Variants in SLC2A10 observed in about 807,000 individuals in gnomAD.
SLC2A10 encodes solute carrier family 2 member 10.
A neutral mutation model predicts 32.1 loss-of-function variants in SLC2A10; 25 were observed. That is an observed-to-expected ratio of 0.78 (90% CI 0.57 to 1.09). The LOEUF is 1.09. Among genes scored for constraint, SLC2A10 ranks in the 50% least tolerant of loss-of-function variants. The probability of loss-of-function intolerance (pLI) is 0.00; values close to 1 mark genes in which losing one functional copy is unlikely to be tolerated. For missense variants in SLC2A10, 673 were observed against 686.5 expected, an observed-to-expected ratio of 0.98 and a Z score of 0.22; for synonymous variants, 332 against 309.6, an observed-to-expected ratio of 1.07 and a Z score of -0.76.
chr20:46,709,626 G>A, upstream of SLC2A10: 1 of 1,379,324 alleles, frequency 7.2e-7, no homozygotes, highest in Non-Finnish European at 9.8e-7. Flanking sequence ...GAGGGACAGA[G>A]GCGGGGGCGG....
chr20:46,709,182 G>A (rs1978754299), upstream of SLC2A10, among the ~76,000 whole-genome samples: 1 of 152,208 alleles, frequency 6.6e-6, no homozygotes, highest in Admixed American at 6.5e-5. Flanking sequence ...AAACCCAAGC[G>A]TGGAGTGAAT....
upstream of SLC2A10, among the ~76,000 whole-genome samples, chr20:46,708,541 C>T (rs1268676235): frequency 6.6e-6 from 1 of 152,186 alleles, no homozygotes; most frequent in Non-Finnish European, 1.5e-5. Flanking sequence ...ACAAGCTGCC[C>T]CTCTTCCAGT....
intron 2 of SLC2A10, among the ~76,000 whole-genome samples, chr20:46,726,654 G>A (rs1046423116): frequency 1.5e-4 from 23 of 152,072 alleles, no homozygotes; most frequent in African/African-American, 4.3e-4. Context: ...TTCCCATCTC[G>A]GCATTGAAAG....
chr20:46,714,308 A>G (rs1256517377), intron 1 of SLC2A10, among the ~76,000 whole-genome samples: 1 of 152,124 alleles, frequency 6.6e-6, no homozygotes, highest in African/African-American at 2.4e-5. Flanking sequence ...GGGCCCAGGA[A>G]TTTGCTGATT....
intron 3 of SLC2A10, 65 bp downstream of exon 3, chr20:46,727,051 A>ATTT (rs1980014355): frequency 4.4e-6 from 7 of 1,607,932 alleles, no homozygotes; most frequent in Non-Finnish European, 6.0e-6. Flanking sequence ...TAAAGCAGAA[A>ATTT]TTTTTGGATT....
chr20:46,724,165 T>C (rs1386450777), intron 1 of SLC2A10, among the ~76,000 whole-genome samples: 1 of 152,232 alleles, frequency 6.6e-6, no homozygotes, highest in African/African-American at 2.4e-5. Flanking sequence ...TCTCCTTCCC[T>C]GCTTCATTTT....
intron 1 of SLC2A10, among the ~76,000 whole-genome samples, chr20:46,716,555 G>A (rs1979251984): frequency 6.6e-6 from 1 of 152,118 alleles, no homozygotes; most frequent in African/African-American, 2.4e-5. Context: ...GGGTGGGGGT[G>A]CATGACATAG....
chr20:46,714,542 G>GGGAC (rs1279432284), intron 1 of SLC2A10: 3 of 152,736 alleles, frequency 2.0e-5, no homozygotes, highest in African/African-American at 7.2e-5. Context: ...GAGGAACAAG[G>GGGAC]GGACCCTTTC....
In SLC2A10 at chr20:46,725,927, G is replaced by A; in HGVS notation, c.891G>A (p.Arg297=). The A allele has an allele frequency of 6.2e-7, 1 of 1,614,028 alleles. No individual in the cohort carries two copies. The highest frequency in any genetic ancestry group is 8.5e-7 in the Non-Finnish European group (1 of 1,180,028). The change falls in exon 2 of 5, where the codon AGG becomes AGA. Residue 297 remains arginine, a synonymous_variant. Coordinates refer to ENST00000359271, the MANE Select transcript of SLC2A10 (RefSeq NM_030777.4). ...AMGLVDRAGR[R]ALLLAGCALM... is the part of the protein sequence containing the mutation. ...GGCTGGTGGACCGTGCAGGCCGCAG[G>A]GCTCTGTTGCTAGCTGGCTGTGCCC... is the stretch of plus-strand genomic sequence containing the variant.
intron 3 of SLC2A10, 38 bp from the exon 4 acceptor site, chr20:46,729,315 T>G (rs202115184): frequency 1.0e-4 from 163 of 1,612,350 alleles, no homozygotes; most frequent in Admixed American, 1.7e-5. Flanking sequence ...GCCAGAGTGC[T>G]TGGTCCTGGG....
chr20:46,724,614 AGATGGATGGTGGTTG>A (rs1187937796), intron 1 of SLC2A10, among the ~76,000 whole-genome samples: 14 of 146,792 alleles, frequency 9.5e-5, no homozygotes, highest in Non-Finnish European at 1.9e-4. Flanking sequence ...CAGATGGTGT[AGATGGATGGTGGTTG>A]GATGGATGGA....
intron 1 of SLC2A10, among the ~76,000 whole-genome samples, chr20:46,720,315 T>C (rs569758696): frequency 6.6e-6 from 1 of 152,262 alleles, no homozygotes; most frequent in East Asian, 1.9e-4. Flanking sequence ...AGAAAACAGA[T>C]CTACCAAAAA....
chr20:46,726,590 G>A (rs1979976663), intron 2 of SLC2A10, among the ~76,000 whole-genome samples: 1 of 152,194 alleles, frequency 6.6e-6, no homozygotes. Flanking sequence ...CTCACAACTG[G>A]AAGGAATTTA....
chr20:46,709,635 G>A, upstream of SLC2A10: 1 of 1,412,592 alleles, frequency 7.1e-7, no homozygotes, highest in Non-Finnish European at 9.5e-7. Flanking sequence ...AGGCGGGGGC[G>A]GGCCGGAAAG....
intron 4 of SLC2A10, among the ~76,000 whole-genome samples, chr20:46,732,359 C>A (rs1431390279): frequency 6.6e-6 from 1 of 152,142 alleles, no homozygotes; most frequent in Non-Finnish European, 1.5e-5. Flanking sequence ...CAACTTTCAG[C>A]AAATATTTTC....
intron 1 of SLC2A10, among the ~76,000 whole-genome samples, chr20:46,712,693 A>T (rs573945368): frequency 2.6e-5 from 3 of 115,292 alleles, no homozygotes; most frequent in Non-Finnish European, 3.2e-5. Flanking sequence ...TGGCTCTGTC[A>T]TCTAGGCTAG....
Position 46,725,122 on chromosome 20 carries a change from T to G in SLC2A10, c.86T>G (p.Ile29Arg), listed in dbSNP as rs765625831. 2.5e-6 allele frequency: 4 copies of G among 1,614,220 alleles called. No homozygotes were observed. Among genetic ancestry groups the G allele is most frequent in the Non-Finnish European group, 3.4e-6 (4 of 1,180,032 alleles). Residue 29 changes from isoleucine to arginine, a missense_variant, in exon 2 of 5, where the codon ATA (isoleucine) becomes AGA (arginine). Transcript: ENST00000359271. The part of the protein sequence containing the change: ...GLTFGYELAV[I>R]SGALLPLQLD... ...ACCTTTGGTTATGAACTGGCAGTCA[T>G]ATCAGGTGCCCTGCTGCCACTGCAG...
At chr20:46,729,646 T>G (rs1218341931) in intron 4 of SLC2A10, among the ~76,000 whole-genome samples, 158 bp downstream of exon 4, 9 of 78,786 alleles carry the variant, frequency 1.1e-4, no homozygotes, top group African/African-American at 2.8e-4. Context: ...TTTTTTTTTT[T>G]TTTTTTTTTT....
intron 1 of SLC2A10, among the ~76,000 whole-genome samples, chr20:46,721,416 C>T (rs1979545928): frequency 6.6e-6 from 1 of 150,970 alleles, no homozygotes; most frequent in Admixed American, 6.6e-5. Flanking sequence ...GACTTGGGGG[C>T]CCTACAAATC....
Sources: gnomAD v4.1 joint callset for allele counts (sites outside exome capture counted in the v4.1 genomes callset) on GRCh38, gnomAD v4.1.1 for gene constraint, MANE v1.5 for transcripts, NCBI Gene and HGNC (gene_info 2026-07-23, HGNC 2026-07-21) for gene names.